The following THSD7B variants were observed in gnomAD, a reference collection of about 807,000 sequenced individuals.
THSD7B encodes thrombospondin type 1 domain containing 7B.
A neutral mutation model predicts 213.6 loss-of-function variants in THSD7B; 138 were observed. The ratio of observed to expected loss-of-function variants is 0.65; its 90% CI spans 0.56 to 0.74. THSD7B has a LOEUF of 0.74. THSD7B is among the 30% of genes least tolerant of loss of function. The pLI is 0.00. For missense variants in THSD7B, 1,931 were observed against 1,991.5 expected, an observed-to-expected ratio of 0.97 and a Z score of 0.58; for synonymous variants, 742 against 687.0, an observed-to-expected ratio of 1.08 and a Z score of -1.25.
intron 2 of THSD7B, among the ~76,000 whole-genome samples, chr2:137,049,859 T>A (rs1424696629): frequency 1.3e-4 from 20 of 152,200 alleles, no homozygotes; most frequent in Admixed American, 1.3e-3. Flanking sequence ...ATGCTGAGAT[T>A]TTTTGGCCTC....
intron 10 of THSD7B, among the ~76,000 whole-genome samples, chr2:137,249,019 A>T (rs540576398): frequency 1.3e-5 from 2 of 152,112 alleles, no homozygotes; most frequent in African/African-American, 2.4e-5. Flanking sequence ...TCTGTAATTT[A>T]AAGTCCATAG....
intron 5 of THSD7B, among the ~76,000 whole-genome samples, chr2:137,116,528 A>C (rs1688449211): frequency 6.6e-6 from 1 of 152,128 alleles, no homozygotes; most frequent in Non-Finnish European, 1.5e-5. Context: ...GTCTTCAGGG[A>C]TCAACATATA....
chr2:137,301,923 C>A (rs991244215), intron 12 of THSD7B, among the ~76,000 whole-genome samples: 7 of 151,990 alleles, frequency 4.6e-5, no homozygotes, highest in African/African-American at 1.7e-4. Flanking sequence ...CTGATAGGAT[C>A]CGGTTTACAT....
chr2:137,483,506 T>C (rs1307643461), intron 15 of THSD7B, among the ~76,000 whole-genome samples: 1 of 152,236 alleles, frequency 6.6e-6, no homozygotes, highest in Non-Finnish European at 1.5e-5. Flanking sequence ...TTTCAGAAGT[T>C]AAAATGGCCT....
At chr2:137,412,492 CG>C (rs1226160211) in intron 14 of THSD7B, among the ~76,000 whole-genome samples, 2 of 122,316 alleles carry the variant, frequency 1.6e-5, no homozygotes, top group Admixed American at 1.9e-4. Context: ...CCCAGCTACT[CG>C]GGAGGCTGCG....
chr2:137,300,338 T>A lies in THSD7B; in HGVS notation c.2500+24312T>A, dbSNP rs115844855. 2.3e-3 allele frequency among the ~76,000 whole-genome samples: 345 copies of A among 152,308 alleles called. 2 individuals are homozygous for A. Among genetic ancestry groups the A allele is most frequent in the African/African-American group, 8.0e-3 (333 of 41,576 alleles). The stretch of plus-strand genomic sequence containing the variant: ...AGCCTGGGCAAGTTATTTTGTAATT[T>A]ACAAAAGGTTATGAAAATTTAGAAG... On this transcript the variant is annotated intron_variant, in intron 12 of 27. Coordinates refer to ENST00000409968, the MANE Select transcript of THSD7B (RefSeq NM_001316349.2).
chr2:137,060,893 C>T (rs1687257247), intron 3 of THSD7B, among the ~76,000 whole-genome samples: 1 of 151,454 alleles, frequency 6.6e-6, no homozygotes, highest in African/African-American at 2.4e-5. Context: ...AAATAACTTC[C>T]AAGATTTTGA....
chr2:137,344,413 C>G (rs1684829725), intron 12 of THSD7B, among the ~76,000 whole-genome samples: 2 of 151,742 alleles, frequency 1.3e-5, no homozygotes, highest in African/African-American at 4.8e-5. Context: ...ACAGGCCTTT[C>G]CACATTTACA....
intron 17 of THSD7B, among the ~76,000 whole-genome samples, chr2:137,593,377 T>C (rs1013007778): frequency 6.6e-6 from 1 of 151,978 alleles, no homozygotes; most frequent in African/African-American, 2.4e-5. Context: ...TTTTACACTA[T>C]TTACAACAAC....
At chr2:136,935,603 G>A (rs1443173920) in intron 2 of THSD7B, among the ~76,000 whole-genome samples, 2 of 152,020 alleles carry the variant, frequency 1.3e-5, no homozygotes, top group Non-Finnish European at 2.9e-5. Context: ...AAAATCCATG[G>A]ATTAAAAGAC....
At chr2:137,432,255 G>T (rs1441438057) in intron 14 of THSD7B, among the ~76,000 whole-genome samples, 1 of 152,132 alleles carries the variant, frequency 6.6e-6, no homozygotes, top group Admixed American at 6.5e-5. Flanking sequence ...GCTGGGCGTG[G>T]CAGTGTCTGC....
intron 7 of THSD7B, among the ~76,000 whole-genome samples, chr2:137,203,322 T>C (rs1259677758): frequency 6.6e-6 from 1 of 152,128 alleles, no homozygotes; most frequent in Non-Finnish European, 1.5e-5. Context: ...TGATTTATCC[T>C]TTCTTAAATA....
intron 7 of THSD7B, among the ~76,000 whole-genome samples, chr2:137,173,711 GCTGTCTTTTGTT>G (rs1015857697): frequency 1.2e-4 from 19 of 152,192 alleles, no homozygotes; most frequent in African/African-American, 4.6e-4. Flanking sequence ...AGTGGCTGAA[GCTGTCTTTTGTT>G]CTGTGTGAAA....
intron 12 of THSD7B, among the ~76,000 whole-genome samples, chr2:137,325,816 T>C (rs978696656): frequency 2.6e-5 from 4 of 152,240 alleles, no homozygotes; most frequent in African/African-American, 9.6e-5. Flanking sequence ...ACTTGGTGTC[T>C]GCTTCGCAGT....
At chr2:137,339,561 T>C (rs1684711492) in intron 12 of THSD7B, among the ~76,000 whole-genome samples, 1 of 151,922 alleles carries the variant, frequency 6.6e-6, no homozygotes, top group Non-Finnish European at 1.5e-5. Context: ...TTTGGAGATT[T>C]GGAACAACTA....
intron 1 of THSD7B, among the ~76,000 whole-genome samples, chr2:136,770,481 T>C (rs1005424305): frequency 4.6e-5 from 7 of 152,198 alleles, no homozygotes. Flanking sequence ...ATACATGTGC[T>C]CCAGTAGGTC....
At chr2:137,277,316 A>C (rs1338663722) in intron 12 of THSD7B, among the ~76,000 whole-genome samples, 2 of 152,050 alleles carry the variant, frequency 1.3e-5, no homozygotes, top group African/African-American at 2.4e-5. Context: ...TTTCAATATA[A>C]ATGAAGATTT....
intron 7 of THSD7B, among the ~76,000 whole-genome samples, chr2:137,222,014 CT>C (rs1681382287): frequency 6.6e-6 from 1 of 152,160 alleles, no homozygotes; most frequent in Admixed American, 6.5e-5. Flanking sequence ...TCCTCTTATA[CT>C]TTTCTAGCTA....
chr2:137,256,676 A>C (rs889922493), intron 10 of THSD7B, among the ~76,000 whole-genome samples: 2 of 152,226 alleles, frequency 1.3e-5, no homozygotes, highest in African/African-American at 4.8e-5. Context: ...TGAGTGTGAT[A>C]AAATCACATT....
Sources: gnomAD v4.1 joint callset for allele counts (sites outside exome capture counted in the v4.1 genomes callset) on GRCh38, gnomAD v4.1.1 for gene constraint, MANE v1.5 for transcripts, NCBI Gene and HGNC (gene_info 2026-07-23, HGNC 2026-07-21) for gene names.